EEFSEC: variants seen among roughly 807,000 people sequenced by gnomAD.
EEFSEC encodes selenocysteine-specific elongation factor.
Under a neutral mutation model 42.1 loss-of-function variants are expected in EEFSEC, and 43 were observed. The ratio of observed to expected loss-of-function variants is 1.02; its 90% CI spans 0.80 to 1.32. The LOEUF (loss-of-function observed/expected upper bound fraction) is 1.32. EEFSEC is among the 40% of genes most tolerant of loss of function. EEFSEC has a pLI of 0.00. For missense variants in EEFSEC, 745 were observed against 803.6 expected (o/e 0.93, Z 0.88); for synonymous variants, 354 against 339.1 (o/e 1.04, Z -0.48).
chr3:128,172,208 G>A (rs1024984869), intron 1 of EEFSEC, among the ~76,000 whole-genome samples: 1 of 152,188 alleles, frequency 6.6e-6, no homozygotes, highest in African/African-American at 2.4e-5. Flanking sequence ...GATTTGAGGT[G>A]CCTCCATAAC....
At chr3:128,333,301 C>G (rs1486634177) in intron 4 of EEFSEC, among the ~76,000 whole-genome samples, 1 of 152,186 alleles carries the variant, frequency 6.6e-6, no homozygotes, top group Non-Finnish European at 1.5e-5. Context: ...GCTGGAGGGA[C>G]CCCCCAACAC....
intron 1 of EEFSEC, among the ~76,000 whole-genome samples, chr3:128,188,083 C>T (rs1032807308): frequency 2.0e-5 from 3 of 152,064 alleles, no homozygotes; most frequent in African/African-American, 4.8e-5. Flanking sequence ...AGAGTTTACC[C>T]TGGCATTGAT....
chr3:128,376,012 C>A (rs1433245696), intron 6 of EEFSEC, among the ~76,000 whole-genome samples: 1 of 152,162 alleles, frequency 6.6e-6, no homozygotes, highest in African/African-American at 2.4e-5. Flanking sequence ...GTGCTTGATC[C>A]CAGGACTCAG....
intron 1 of EEFSEC, among the ~76,000 whole-genome samples, chr3:128,202,246 G>A (rs2065651028): frequency 6.6e-6 from 1 of 152,136 alleles, no homozygotes; most frequent in Non-Finnish European, 1.5e-5. Flanking sequence ...GATTATGATT[G>A]GGATTACATT....
chr3:128,157,642 A>G (rs1944404359), intron 1 of EEFSEC, among the ~76,000 whole-genome samples: 1 of 152,200 alleles, frequency 6.6e-6, no homozygotes, highest in African/African-American at 2.4e-5. Context: ...ATGACAGCAC[A>G]TCTGTTTATA....
At chr3:128,163,893 C>T (rs1576509243) in intron 1 of EEFSEC, among the ~76,000 whole-genome samples, 1 of 151,058 alleles carries the variant, frequency 6.6e-6, no homozygotes, top group African/African-American at 2.4e-5. Flanking sequence ...CCTCAGCCTC[C>T]CAAAGCGAGC....
At chr3:128,187,204 G>A (rs973319674) in intron 1 of EEFSEC, among the ~76,000 whole-genome samples, 1 of 152,196 alleles carries the variant, frequency 6.6e-6, no homozygotes, top group Non-Finnish European at 1.5e-5. Context: ...CGGGCACCCT[G>A]ACTGCCTCCA....
chr3:128,234,800 G>A (rs1398039004), intron 1 of EEFSEC, among the ~76,000 whole-genome samples: 3 of 152,196 alleles, frequency 2.0e-5, no homozygotes, highest in South Asian at 2.1e-4. Context: ...GTTAAGGGAC[G>A]TCGATCCCAG....
intron 6 of EEFSEC, among the ~76,000 whole-genome samples, chr3:128,363,212 C>A (rs2067549514): frequency 6.6e-6 from 1 of 152,212 alleles, no homozygotes; most frequent in African/African-American, 2.4e-5. Context: ...TTTCACTGCA[C>A]AAGCAGACCA....
At chr3:128,163,792 C>T (rs1309107660) in intron 1 of EEFSEC, among the ~76,000 whole-genome samples, 4 of 152,132 alleles carry the variant, frequency 2.6e-5, no homozygotes, top group Non-Finnish European at 5.9e-5. Flanking sequence ...GTAGATCACA[C>T]AATATGTGGC....
At chr3:128,339,314 C>G (rs764686048) in intron 4 of EEFSEC, among the ~76,000 whole-genome samples, 1 of 152,222 alleles carries the variant, frequency 6.6e-6, no homozygotes, top group Non-Finnish European at 1.5e-5. Context: ...GCAACACACT[C>G]TCCCTTTATC....
chr3:128,354,843 C>A (rs1254651920), intron 5 of EEFSEC, among the ~76,000 whole-genome samples: 3 of 152,192 alleles, frequency 2.0e-5, no homozygotes, highest in African/African-American at 7.2e-5. Flanking sequence ...CCTGCTATCC[C>A]AGGCTCTGAT....
In EEFSEC at chr3:128,343,176, C is replaced by T. The variant is rs1206946852; in HGVS notation, c.1443+1287C>T. Among the ~76,000 whole-genome samples the T allele has an allele frequency of 5.3e-5, 8 of 152,234 alleles. No homozygotes were observed. In the East Asian group the frequency reaches 5.8e-4, roughly 11 times the overall value. On this transcript the variant is annotated intron_variant, in intron 5 of 6. Coordinates refer to ENST00000254730, the MANE Select transcript of EEFSEC (RefSeq NM_021937.5). ...GCCAGCACAACATCTGGCCCATCCA[C>T]GGTGTCACATGTGGTGGGCTTCCAT...
chr3:128,190,470 A>G (rs1248204446), intron 1 of EEFSEC, among the ~76,000 whole-genome samples: 1 of 152,258 alleles, frequency 6.6e-6, no homozygotes, highest in Non-Finnish European at 1.5e-5. Context: ...AAAGAAAGAA[A>G]ATATTTTTAT....
At chr3:128,343,013 G>A (rs1381925968) in intron 5 of EEFSEC, among the ~76,000 whole-genome samples, 1 of 152,252 alleles carries the variant, frequency 6.6e-6, no homozygotes, top group African/African-American at 2.4e-5. Flanking sequence ...GCTTTGACTG[G>A]CTTAAAGAGC....
At chr3:128,393,619 A>G (rs1352751097) in intron 6 of EEFSEC, among the ~76,000 whole-genome samples, 2 of 152,194 alleles carry the variant, frequency 1.3e-5, no homozygotes. Flanking sequence ...TGTGGCCACT[A>G]AGAGATGCAA....
chr3:128,329,941 G>A (rs965478542), intron 4 of EEFSEC, among the ~76,000 whole-genome samples: 1 of 152,236 alleles, frequency 6.6e-6, no homozygotes, highest in African/African-American at 2.4e-5. Context: ...GGGCCCACAG[G>A]TGAGGTACTG....
chr3:128,425,169 C>A, the EEFSEC span, among the ~76,000 whole-genome samples: 4 of 152,354 alleles, frequency 2.6e-5, no homozygotes, highest in East Asian at 7.7e-4. Context: ...ATGCTTCATG[C>A]CCCTGTGAAA....
chr3:128,322,599 C>T (rs1256747588), intron 4 of EEFSEC, among the ~76,000 whole-genome samples: 5 of 152,242 alleles, frequency 3.3e-5, no homozygotes, highest in African/African-American at 9.6e-5. Flanking sequence ...GCCCAAAGTC[C>T]CATCCGTTAA....
Sources: allele counts gnomAD v4.1 joint callset (sites outside exome capture counted in the v4.1 genomes callset), GRCh38; gene constraint gnomAD v4.1.1; transcripts MANE v1.5; gene names NCBI Gene and HGNC (gene_info 2026-07-23, HGNC 2026-07-21).